Variants in LIMCH1 observed in about 807,000 individuals in gnomAD.
LIMCH1 encodes the protein LIM and calponin homology domains-containing protein 1.
In LIMCH1, 113 loss-of-function variants were observed where a neutral mutation model predicts 176.5. That is an observed-to-expected ratio of 0.64 (90% CI 0.55 to 0.75). The LOEUF (loss-of-function observed/expected upper bound fraction) is 0.75, where lower values mean the gene tolerates loss of function less well. Ranked by LOEUF, LIMCH1 falls within the 30% of genes least tolerant of loss-of-function variation. The pLI is 0.00. For missense variants in LIMCH1, 1,674 were observed against 1,814.9 expected (o/e 0.92, Z 1.41); for synonymous variants, 619 against 645.9 (o/e 0.96, Z 0.63).
chr4:41,647,547 A>C (rs985227214), intron 17 of LIMCH1, among the ~76,000 whole-genome samples: 4 of 152,214 alleles, frequency 2.6e-5, no homozygotes, highest in African/African-American at 4.8e-5. Context: ...GCTTCCTCAA[A>C]TTCAAGTACT....
chr4:41,360,630 C>G (rs1239740371), upstream of LIMCH1: 3 of 289,178 alleles, frequency 1.0e-5, no homozygotes, highest in African/African-American at 6.7e-5. This position sits in a 1 kb window ranked among gnomAD's most constrained non-coding sequence, Gnocchi z 4.5. Flanking sequence ...GCGGGTCACT[C>G]ACGGCGCGTT....
At chr4:41,478,770 G>T (rs987385402) in intron 1 of LIMCH1, among the ~76,000 whole-genome samples, 1 of 152,174 alleles carries the variant, frequency 6.6e-6, no homozygotes, top group Admixed American at 6.5e-5. Context: ...TCGATTTGAT[G>T]GCTAGTATGT....
chr4:41,381,260 A>C (rs1423109243), intron 1 of LIMCH1, among the ~76,000 whole-genome samples: 1 of 152,218 alleles, frequency 6.6e-6, no homozygotes, highest in Non-Finnish European at 1.5e-5. Flanking sequence ...AATTTAAATA[A>C]CTGTACAGCA....
chr4:41,580,036 G>T (rs1386423050), intron 1 of LIMCH1, among the ~76,000 whole-genome samples: 1 of 152,142 alleles, frequency 6.6e-6, no homozygotes, highest in Admixed American at 6.5e-5. Context: ...AGGCAGGCAG[G>T]TACAATTTAC....
chr4:41,527,226 C>T (rs1219333835), intron 3 of LIMCH1, among the ~76,000 whole-genome samples: 3 of 152,026 alleles, frequency 2.0e-5, no homozygotes, highest in Non-Finnish European at 2.9e-5. Flanking sequence ...AGTTAATACT[C>T]GAGAGAGATA....
At chr4:41,687,946 GC>G in intron 29 of LIMCH1, 29 bp downstream of exon 29, 1 of 1,578,966 alleles carries the variant, frequency 6.3e-7, no homozygotes, top group South Asian at 1.1e-5. Context: ...CCTTTCTGAG[GC>G]TGCTTTGTTA....
chr4:41,436,565 A>G (rs2062101120), intron 1 of LIMCH1, among the ~76,000 whole-genome samples: 2 of 152,182 alleles, frequency 1.3e-5, no homozygotes, highest in Non-Finnish European at 2.9e-5. Flanking sequence ...CAACTTTTCC[A>G]TTTTATCATC....
At chr4:41,664,223 A>G (rs2094740352) in intron 20 of LIMCH1, among the ~76,000 whole-genome samples, 1 of 152,162 alleles carries the variant, frequency 6.6e-6, no homozygotes, top group Admixed American at 6.5e-5. Context: ...TGGACCCTCA[A>G]TTTGGGTATG....
Position 41,684,424 on chromosome 4 carries a change from T to C in LIMCH1, c.3873T>C (p.Ser1291=). Residue 1291 remains serine (S), a synonymous_variant, in exon 27 of 32, where the codon TCT becomes TCC. Coordinates refer to ENST00000503057, the MANE Select transcript of LIMCH1 (RefSeq NM_001330672.2). ...GSLTEGALAH[S]GNPVSKGVHE... ...TAACTGAAGGGGCCTTGGCTCATTC[T>C]GGGAACCCTGTATCAAAAGGAGTCC... 1 of 1,613,790 alleles carries C rather than the reference T, an allele frequency of 6.2e-7. No homozygotes were observed. The highest frequency in any genetic ancestry group is 8.5e-7 in the Non-Finnish European group (1 of 1,179,794).
At chr4:41,629,108 A>G (rs2093161681) in intron 8 of LIMCH1, among the ~76,000 whole-genome samples, 1 of 152,234 alleles carries the variant, frequency 6.6e-6, no homozygotes, top group Non-Finnish European at 1.5e-5. Context: ...AAACATTCCA[A>G]GAGGGCTAAG....
At chr4:41,567,902 C>A (rs1434473394) in intron 1 of LIMCH1, among the ~76,000 whole-genome samples, 1 of 152,174 alleles carries the variant, frequency 6.6e-6, no homozygotes, top group Non-Finnish European at 1.5e-5. Context: ...TGCCTGTAAT[C>A]CCAGCACTCT....
At chr4:41,650,766 A>G (rs369656562) in intron 18 of LIMCH1, among the ~76,000 whole-genome samples, 158 bp downstream of exon 18, 94 of 152,318 alleles carry the variant, frequency 6.2e-4, no homozygotes, top group African/African-American at 2.2e-3. Context: ...AGTGGCTTAA[A>G]CAACAGAAAC....
In LIMCH1 at chr4:41,520,176, ATCTAGAAG is replaced by A. The variant is rs139902368; in HGVS notation, c.168-4229_168-4222del. Among the ~76,000 whole-genome samples, 348 of 152,300 alleles carry A rather than the reference ATCTAGAAG, an allele frequency of 2.3e-3. 1 individual carries two copies. Among genetic ancestry groups the A allele is most frequent in the Non-Finnish European group, 4.2e-3 (287 of 68,026 alleles). ...CTTCACATTGAACTTAAGATAAAAA[ATCTAGAAG>A]TCTTACCTGGGCCTGGATTTTGCTT... On this transcript the variant is annotated intron_variant, in intron 2 of 26. Coordinates refer to the LIMCH1 transcript ENST00000313860.
intron 4 of LIMCH1, 33 bp downstream of exon 4, chr4:41,606,037 G>A (rs370523019): frequency 3.1e-4 from 437 of 1,425,406 alleles, no homozygotes; most frequent in Non-Finnish European, 3.7e-4. Context: ...TCCCATAAGC[G>A]TTAGACAAGG....
At chr4:41,400,931 G>T (rs930917351) in intron 1 of LIMCH1, among the ~76,000 whole-genome samples, 1 of 152,128 alleles carries the variant, frequency 6.6e-6, no homozygotes, top group Non-Finnish European at 1.5e-5. Flanking sequence ...CTGGATATTA[G>T]CCCTTTGTCA....
intron 1 of LIMCH1, among the ~76,000 whole-genome samples, chr4:41,400,687 A>G (rs1273050130): frequency 1.3e-5 from 2 of 152,170 alleles, no homozygotes; most frequent in Non-Finnish European, 2.9e-5. Context: ...TTCTAGATAG[A>G]TCTTAAAATA....
chr4:41,524,760 T>C (rs1481230732), intron 3 of LIMCH1, among the ~76,000 whole-genome samples: 1 of 152,236 alleles, frequency 6.6e-6, no homozygotes, highest in African/African-American at 2.4e-5. Flanking sequence ...AGGTTGACCC[T>C]TGGGGGAGGA....
At chr4:41,432,642 C>T (rs1334061600) in intron 1 of LIMCH1, among the ~76,000 whole-genome samples, 1 of 152,184 alleles carries the variant, frequency 6.6e-6, no homozygotes, top group Non-Finnish European at 1.5e-5. Context: ...ATCAATTTTT[C>T]ATTTAAAAAC....
rs113873792 is a variant in LIMCH1, at chr4:41,549,272, T to C, written c.-241+10922T>C. 5.6e-3 allele frequency among the ~76,000 whole-genome samples: 857 copies of C among 152,336 alleles called. 10 individuals carry two copies. Among genetic ancestry groups the C allele is most frequent in the African/African-American group, 0.02 (827 of 41,570 alleles). The stretch of plus-strand genomic sequence containing the variant: ...ATAATAGTTAACATTTAGTATGTGC[T>C]CACCATGTGCTAAGCGCTTTATTTC... On this transcript the variant is annotated intron_variant, in intron 1 of 31. Coordinates refer to ENST00000503057, the MANE Select transcript of LIMCH1 (RefSeq NM_001330672.2).
Sources: gnomAD v4.1 joint callset for allele counts (sites outside exome capture counted in the v4.1 genomes callset) on GRCh38, gnomAD v4.1.1 for gene constraint, Gnocchi (gnomAD v3.1) non-coding constraint, MANE v1.5 for transcripts, NCBI Gene and HGNC (gene_info 2026-07-23, HGNC 2026-07-21) for gene names.